The following SIK2 variants were observed in gnomAD, a reference collection of about 807,000 sequenced individuals.
The protein encoded by SIK2 is serine/threonine-protein kinase SIK2.
Under a neutral mutation model 103.2 loss-of-function variants are expected in SIK2, and 29 were observed. That is an observed-to-expected ratio of 0.28 (90% confidence interval 0.21 to 0.38). SIK2 has a LOEUF of 0.38. SIK2 is among the 10% of genes least tolerant of loss of function. The probability of loss-of-function intolerance (pLI) is 1.00; values close to 1 mark genes in which losing one functional copy is unlikely to be tolerated. For missense variants in SIK2, 879 were observed against 1,171.0 expected, an observed-to-expected ratio of 0.75 and a Z score of 3.64; for synonymous variants, 412 against 446.1, an observed-to-expected ratio of 0.92 and a Z score of 0.96.
At chr11:111,603,342 AAT>A (rs1299078136) in intron 1 of SIK2, among the ~76,000 whole-genome samples, 1 of 151,888 alleles carries the variant, frequency 6.6e-6, no homozygotes, top group Admixed American at 6.6e-5. Context: ...ATTTCCATTT[AAT>A]GCCCCAGACA....
rs529338466 is a variant in SIK2 at position 111,612,309 on chromosome 11, C to T, written c.136-3934C>T. Among the ~76,000 whole-genome samples the T allele has an allele frequency of 2.0e-5, 3 of 152,234 alleles. No homozygotes were observed. The East Asian group carries it at 5.8e-4, about 29-fold the overall frequency. The stretch of plus-strand genomic sequence containing the variant: ...TGGGAAATAAATGAGATAAAATATG[C>T]TGAAGTATCTTTAAAAATGCTGTGC... On this transcript the variant is annotated intron_variant, in intron 1 of 14. Coordinates refer to ENST00000304987, the MANE Select transcript of SIK2 (RefSeq NM_015191.3).
At chr11:111,679,787 C>CTCTGAAATTGCTTCAG (rs1942753584) in intron 3 of SIK2, among the ~76,000 whole-genome samples, 1 of 152,142 alleles carries the variant, frequency 6.6e-6, no homozygotes, top group African/African-American at 2.4e-5. Context: ...CAAGAACCAG[C>CTCTGAAATTGCTTCAG]ACAAGCTGAG....
intron 3 of SIK2, among the ~76,000 whole-genome samples, chr11:111,682,492 T>C (rs994062338): frequency 6.6e-6 from 1 of 152,176 alleles, no homozygotes; most frequent in African/African-American, 2.4e-5. Flanking sequence ...TAGATGATAA[T>C]AAGGAATTGT....
intron 4 of SIK2, among the ~76,000 whole-genome samples, chr11:111,697,138 C>A (rs910137625): frequency 6.6e-6 from 1 of 152,232 alleles, no homozygotes; most frequent in Non-Finnish European, 1.5e-5. Flanking sequence ...TTCTATTCCA[C>A]TGCTGCAACT....
intron 9 of SIK2, among the ~76,000 whole-genome samples, chr11:111,716,076 A>T (rs973097277): frequency 1.3e-5 from 2 of 152,128 alleles, no homozygotes; most frequent in African/African-American, 2.4e-5. Context: ...TACTGGGATT[A>T]CAGGCATGAG....
At chr11:111,666,010 T>C (rs1169428201) in intron 3 of SIK2, among the ~76,000 whole-genome samples, 1 of 152,214 alleles carries the variant, frequency 6.6e-6, no homozygotes. Flanking sequence ...CTTTACAATG[T>C]GTGTGACTAC....
At chr11:111,696,892 C>G (rs888689629) in intron 4 of SIK2, among the ~76,000 whole-genome samples, 1 of 152,176 alleles carries the variant, frequency 6.6e-6, no homozygotes, top group African/African-American at 2.4e-5. Flanking sequence ...TTCATTCCCC[C>G]CCTACTCACC....
intron 3 of SIK2, among the ~76,000 whole-genome samples, chr11:111,637,427 C>A (rs770748536): frequency 1.3e-5 from 2 of 150,822 alleles, no homozygotes; most frequent in Admixed American, 6.6e-5. Context: ...GGAATAACAC[C>A]CTTATCTTAT....
chr11:111,701,409 G>A lies in SIK2; in HGVS notation c.604-43G>A. ...ATGTTCAGGAAAACAAAGAGTGTTT[G>A]ACGTTCTTGGTAGAAAAGTCTCTGC... On this transcript the variant is annotated intron_variant, in intron 5 of 14. Transcript: ENST00000304987. The surrounding 1 kb of genome is among the most constrained non-coding windows in gnomAD (Gnocchi z 4.2). 1.3e-6 allele frequency: 2 copies of A among 1,594,940 alleles called. No individual in the cohort carries two copies. The highest frequency in any genetic ancestry group is 1.7e-6 in the Non-Finnish European group (2 of 1,166,930).
chr11:111,664,769 T>G (rs1211439113), intron 3 of SIK2, among the ~76,000 whole-genome samples: 1 of 149,312 alleles, frequency 6.7e-6, no homozygotes, highest in African/African-American at 2.5e-5. Context: ...CACTGTCTTT[T>G]GTTTCTCTGC....
chr11:111,623,952 G>A (rs571631611), intron 3 of SIK2, among the ~76,000 whole-genome samples: 1 of 152,336 alleles, frequency 6.6e-6, no homozygotes, highest in South Asian at 2.1e-4. Flanking sequence ...CAAGGCATTA[G>A]TTGGAACATT....
intron 3 of SIK2, among the ~76,000 whole-genome samples, chr11:111,683,878 T>G (rs764439479): frequency 1.2e-4 from 18 of 152,328 alleles, no homozygotes; most frequent in Admixed American, 6.5e-4. Flanking sequence ...CAAATTTTAT[T>G]TGCAGCCACA....
chr11:111,712,163 G>T, intron 8 of SIK2, 48 bp from the exon 9 acceptor site: 1 of 1,542,052 alleles, frequency 6.5e-7, no homozygotes, highest in South Asian at 1.2e-5. Context: ...TGTATTTATA[G>T]AGAAGGTATT....
At chr11:111,663,704 G>A (rs1942497786) in intron 3 of SIK2, among the ~76,000 whole-genome samples, 1 of 152,194 alleles carries the variant, frequency 6.6e-6, no homozygotes, top group Admixed American at 6.5e-5. Flanking sequence ...AGACGATGGT[G>A]TCTTGGCCTT....
chr11:111,666,778 C>T (rs1270633578), intron 3 of SIK2, among the ~76,000 whole-genome samples: 1 of 151,984 alleles, frequency 6.6e-6, no homozygotes, highest in Non-Finnish European at 1.5e-5. Context: ...AAAATAGGAA[C>T]TTGAGTGTAA....
rs1942734854 is a variant in SIK2, at chr11:111,678,472, G to A, written c.317-9529G>A. ...TGAGGGAGAAAGCACTGTGCTTTGA[G>A]ATTGACCTGAAAAAAAGTCAGGACA... is the stretch of plus-strand genomic sequence containing the variant. On this transcript the variant is annotated intron_variant, in intron 3 of 14. Coordinates refer to ENST00000304987, the MANE Select transcript of SIK2 (RefSeq NM_015191.3). Among the ~76,000 whole-genome samples, 3 of 152,122 alleles carry A rather than the reference G, an allele frequency of 2.0e-5. No homozygotes were observed. The South Asian group carries it at 6.2e-4, about 31-fold the overall frequency.
chr11:111,672,185 T>A lies in SIK2; in HGVS notation c.317-15816T>A, dbSNP rs561211263. ...GAGCTTAGCAGGCTCTGGTTTACCA[T>A]AATGGCTGTGATGCCCCCCCATACC... is the stretch of plus-strand genomic sequence containing the variant. On this transcript the variant is annotated intron_variant, in intron 3 of 14. Transcript: ENST00000304987. 2.5e-4 allele frequency: 102 copies of A among 415,186 alleles called. No homozygotes were observed. In the East Asian group the frequency reaches 5.9e-3, roughly 24 times the overall value. The allele number at this position is 415,186 out of a possible 1,614,324, so 25.7% of individuals were successfully genotyped here. A position where few individuals can be genotyped will look rare whatever the true frequency, so the allele number is the denominator to read the frequency against.
chr11:111,698,642 C>T (rs1270019964), intron 4 of SIK2, among the ~76,000 whole-genome samples: 2 of 152,016 alleles, frequency 1.3e-5, no homozygotes, highest in East Asian at 1.9e-4. Context: ...GGTTGAGGTG[C>T]GAGGACTGCA....
chr11:111,620,341 A>T lies in SIK2; in HGVS notation c.255A>T (p.Val85=), dbSNP rs768294956. ...AATATGGAATTATTTATCAATAGGT[A>T]ATGGAGACCAAAAGTATGTTGTACC... ...DHPHIIKLYQ[V]METKSMLYLV... is the part of the protein sequence containing the mutation. Residue 85 remains valine (V), a splice_region_variant and synonymous_variant, in exon 3 of 15, where the codon GTA becomes GTT. Transcript: ENST00000304987. 6.3e-7 allele frequency: 1 copy of T among 1,580,122 alleles called. No homozygotes were observed. Among genetic ancestry groups the T allele is most frequent in the African/African-American group, 1.4e-5 (1 of 73,798 alleles).
Sources: allele counts gnomAD v4.1 joint callset (sites outside exome capture counted in the v4.1 genomes callset), GRCh38; gene constraint gnomAD v4.1.1; non-coding constraint Gnocchi (gnomAD v3.1); transcripts MANE v1.5; gene names NCBI Gene and HGNC (gene_info 2026-07-23, HGNC 2026-07-21).